STX8: variants seen among roughly 807,000 people sequenced by gnomAD.
STX8 encodes syntaxin-8.
A neutral mutation model predicts 37.5 loss-of-function variants in STX8; 23 were observed. The observed-to-expected ratio is 0.61, with a 90% CI of 0.44 to 0.87. The LOEUF (loss-of-function observed/expected upper bound fraction) is 0.87, where lower values mean the gene tolerates loss of function less well. Among genes scored for constraint, STX8 ranks in the 40% least tolerant of loss-of-function variants. STX8 has a pLI of 0.00. For missense variants in STX8, 313 were observed against 284.7 expected (o/e 1.10, Z -0.71); for synonymous variants, 115 against 99.1 (o/e 1.16, Z -0.95).
intron 7 of STX8, among the ~76,000 whole-genome samples, chr17:9,336,774 T>C (rs992831593): frequency 1.3e-5 from 2 of 152,004 alleles, no homozygotes; most frequent in Non-Finnish European, 2.9e-5. Context: ...GGGTAGTAAA[T>C]ATAGCTAGAA....
intron 7 of STX8, among the ~76,000 whole-genome samples, chr17:9,366,000 G>C (rs534311176): frequency 1.3e-5 from 2 of 152,058 alleles, no homozygotes; most frequent in East Asian, 3.9e-4. Flanking sequence ...AAAAGAGAGA[G>C]AGACAGAGGA....
At chr17:9,476,134 G>A (rs186455099) in intron 6 of STX8, among the ~76,000 whole-genome samples, 14 of 152,274 alleles carry the variant, frequency 9.2e-5, no homozygotes, top group African/African-American at 3.4e-4. Context: ...AGGCGAGATC[G>A]TGCCACTGCA....
chr17:9,551,184 G>A (rs1009583141), intron 3 of STX8, among the ~76,000 whole-genome samples: 8 of 152,148 alleles, frequency 5.3e-5, no homozygotes, highest in African/African-American at 1.9e-4. Context: ...GAACTGCAAG[G>A]GAACAGTTTA....
At chr17:9,376,801 T>C (rs898406756) in intron 7 of STX8, among the ~76,000 whole-genome samples, 2 of 151,994 alleles carry the variant, frequency 1.3e-5, no homozygotes, top group Admixed American at 1.3e-4. Context: ...ACTGTAACAT[T>C]CACTGCGAGG....
chr17:9,421,815 C>T (rs1913441742), intron 6 of STX8, among the ~76,000 whole-genome samples: 1 of 152,106 alleles, frequency 6.6e-6, no homozygotes, highest in Non-Finnish European at 1.5e-5. Context: ...GTAATCCCCA[C>T]ATGTTGAAGG....
chr17:9,566,122 C>T (rs1256936923), intron 2 of STX8, among the ~76,000 whole-genome samples: 1 of 152,044 alleles, frequency 6.6e-6, no homozygotes, highest in Non-Finnish European at 1.5e-5. Context: ...GAAAAATCCA[C>T]CCCATTAAAA....
At chr17:9,367,227 T>G (rs1911256990) in intron 7 of STX8, among the ~76,000 whole-genome samples, 1 of 151,916 alleles carries the variant, frequency 6.6e-6, no homozygotes, top group Non-Finnish European at 1.5e-5. Flanking sequence ...GTTTTGTTTC[T>G]GTTTTGAAGG....
intron 6 of STX8, among the ~76,000 whole-genome samples, chr17:9,474,425 T>G (rs1906013558): frequency 6.6e-6 from 1 of 152,010 alleles, no homozygotes; most frequent in African/African-American, 2.4e-5. Context: ...CAGACTGGAG[T>G]GCAATGGCGC....
At chr17:9,340,395 A>T (rs1453186793) in intron 7 of STX8, among the ~76,000 whole-genome samples, 1 of 152,254 alleles carries the variant, frequency 6.6e-6, no homozygotes, top group Non-Finnish European at 1.5e-5. Context: ...CACAAAATGA[A>T]AATTAGAAGA....
intron 7 of STX8, among the ~76,000 whole-genome samples, chr17:9,267,436 C>A (rs572925291): frequency 6.6e-6 from 1 of 152,302 alleles, no homozygotes; most frequent in East Asian, 1.9e-4. Context: ...GACCCTTCCC[C>A]ATGTGTGATG....
intron 4 of STX8, among the ~76,000 whole-genome samples, chr17:9,535,422 T>C (rs1013297323): frequency 8.9e-6 from 1 of 111,798 alleles, no homozygotes; most frequent in Non-Finnish European, 1.7e-5. Context: ...CCAGCCATCC[T>C]ACTTTTTTTT....
chr17:9,287,019 G>C (rs66586354), intron 7 of STX8, among the ~76,000 whole-genome samples: 33,747 of 152,096 alleles, frequency 0.22, 3,789 homozygotes, highest in Non-Finnish European at 0.25. Flanking sequence ...GTCATGTGTT[G>C]ATTTCACGTG....
At chr17:9,431,783 A>C (rs1913994701) in intron 6 of STX8, among the ~76,000 whole-genome samples, 2 of 152,226 alleles carry the variant, frequency 1.3e-5, no homozygotes, top group Non-Finnish European at 2.9e-5. Context: ...CATGGTGTTA[A>C]GACCACGAGT....
intron 7 of STX8, among the ~76,000 whole-genome samples, chr17:9,359,154 T>C (rs532876819): frequency 7.9e-5 from 12 of 152,034 alleles, no homozygotes; most frequent in South Asian, 2.1e-4. Context: ...GAGATCCTTC[T>C]GCCTCAGCCT....
intron 6 of STX8, among the ~76,000 whole-genome samples, chr17:9,389,642 GC>G (rs149377444): frequency 0.025 from 3,777 of 152,164 alleles, 169 homozygotes; most frequent in African/African-American, 0.086. Flanking sequence ...GAGAGAGTTT[GC>G]TATATATTTT....
chr17:9,274,702 TAATAATAATAATAAAC>T (rs1252835737), intron 7 of STX8, among the ~76,000 whole-genome samples: 1 of 123,774 alleles, frequency 8.1e-6, no homozygotes, highest in South Asian at 2.8e-4. Flanking sequence ...ATAATAATAA[TAATAATAATAATAAAC>T]AAAGTCTTCA....
chr17:9,492,181 A>G (rs1429757230), intron 5 of STX8, among the ~76,000 whole-genome samples: 2 of 152,218 alleles, frequency 1.3e-5, no homozygotes, highest in Non-Finnish European at 2.9e-5. Context: ...AAACTTTCTG[A>G]TACTTAATAT....
At position 9,486,691 on chromosome 17, in the gene STX8, T is replaced by C. The variant is rs1434231610; in HGVS notation, c.541+5138A>G. Among the ~76,000 whole-genome samples, 8 of 151,906 alleles carry C rather than the reference T, an allele frequency of 5.3e-5. No individual in the cohort carries two copies. The East Asian group carries it at 9.7e-4, about 18-fold the overall frequency. On this transcript the variant is annotated intron_variant, in intron 6 of 7. Transcript: ENST00000306357. ...CACAGGGCGACCGGACCCCCATCTC[T>C]ACAAAAAATAAGTTAAAATTAGCCA...
chr17:9,380,822 T>A (rs1911783944), intron 6 of STX8, among the ~76,000 whole-genome samples: 1 of 151,010 alleles, frequency 6.6e-6, no homozygotes, highest in Admixed American at 6.6e-5. Context: ...CAAGCGATTC[T>A]TCCGCATCAG....
Sources: allele counts gnomAD v4.1 joint callset (sites outside exome capture counted in the v4.1 genomes callset), GRCh38; gene constraint gnomAD v4.1.1; transcripts MANE v1.5; gene names NCBI Gene and HGNC (gene_info 2026-07-23, HGNC 2026-07-21).